GLT1D1: variants seen among roughly 807,000 people sequenced by gnomAD.
The protein encoded by GLT1D1 is glycosyltransferase 1 domain-containing protein 1.
A neutral mutation model predicts 28.7 loss-of-function variants in GLT1D1; 21 were observed. The observed-to-expected ratio is 0.73, with a 90% CI of 0.52 to 1.05. The LOEUF (loss-of-function observed/expected upper bound fraction) is 1.05. Among genes scored for constraint, GLT1D1 ranks in the 50% least tolerant of loss-of-function variants. The pLI, the probability that GLT1D1 is intolerant of heterozygous loss-of-function variation, is 0.00. For missense variants in GLT1D1, 343 were observed against 330.6 expected (o/e 1.04, Z -0.29); for synonymous variants, 147 against 124.8 (o/e 1.18, Z -1.19).
intron 4 of GLT1D1, among the ~76,000 whole-genome samples, chr12:128,927,999 C>CAAA (rs938188484): frequency 0.098 from 4,120 of 42,056 alleles, 973 homozygotes; most frequent in Non-Finnish European, 0.12. Flanking sequence ...GACTCTGTCT[C>CAAA]AAAAAAAAAA....
At chr12:128,907,927 G>A (rs569678747) in intron 4 of GLT1D1, among the ~76,000 whole-genome samples, 2 of 152,248 alleles carry the variant, frequency 1.3e-5, no homozygotes, top group South Asian at 2.1e-4. Context: ...ATCATTCTGA[G>A]TTGTTTACTC....
chr12:128,883,473 C>A (rs1400062417), intron 2 of GLT1D1, among the ~76,000 whole-genome samples: 1 of 151,248 alleles, frequency 6.6e-6, no homozygotes, highest in Admixed American at 6.6e-5. Context: ...GCCTGTAATC[C>A]CAGCTACTCG....
At position 128,935,831 on chromosome 12, in the gene GLT1D1, A is replaced by T. The variant is rs183629326; in HGVS notation, c.376-9495A>T. Among the ~76,000 whole-genome samples the T allele has an allele frequency of 8.1e-3, 1,234 of 152,248 alleles. 22 individuals carry two copies. The highest frequency in any genetic ancestry group is 0.028 in the African/African-American group (1,179 of 41,558). On this transcript the variant is annotated intron_variant, in intron 4 of 7. Transcript: ENST00000281703. ...TGGTAATTCTTAGCAAGAACTTTTT[A>T]AAAAGATGGGTTGTAGTCCCGTACG...
intron 4 of GLT1D1, chr12:128,944,468 C>G (rs1353738102): frequency 1.5e-6 from 2 of 1,324,688 alleles, no homozygotes; most frequent in Admixed American, 1.7e-5. Context: ...TTATCATCCT[C>G]ACGCTGAATG....
At chr12:128,876,948 G>A (rs1956883483) in intron 2 of GLT1D1, among the ~76,000 whole-genome samples, 1 of 152,202 alleles carries the variant, frequency 6.6e-6, no homozygotes, top group South Asian at 2.1e-4. Flanking sequence ...ACTTCACAGA[G>A]TATGAGCTTT....
intron 7 of GLT1D1, among the ~76,000 whole-genome samples, chr12:128,964,064 G>C (rs1192068851): frequency 6.6e-6 from 1 of 152,194 alleles, no homozygotes; most frequent in Non-Finnish European, 1.5e-5. Flanking sequence ...TGGTGGAAGG[G>C]CCGAGACAGC....
At chr12:128,976,336 G>A (rs1374583360) in intron 7 of GLT1D1, among the ~76,000 whole-genome samples, 2 of 152,194 alleles carry the variant, frequency 1.3e-5, no homozygotes, top group African/African-American at 4.8e-5. Context: ...GTATCTCGGG[G>A]ACTGAGGGCG....
At chr12:128,942,756 G>GTTTTTTTTTTTTTTGTTT (rs61514615) in intron 4 of GLT1D1, among the ~76,000 whole-genome samples, 1 of 124,930 alleles carries the variant, frequency 8.0e-6, no homozygotes, top group African/African-American at 3.4e-5. Context: ...TTTGTTTTTT[G>GTTTTTTTTTTTTTTGTTT]TTTTTTTTTT....
chr12:128,873,036 G>A (rs10082780), intron 1 of GLT1D1, among the ~76,000 whole-genome samples: 4,141 of 152,010 alleles, frequency 0.027, 179 homozygotes, highest in African/African-American at 0.093. Flanking sequence ...CTGGGATGAC[G>A]GGTGCATGTC....
At chr12:128,923,854 G>C (rs931636178) in intron 4 of GLT1D1, among the ~76,000 whole-genome samples, 1 of 151,946 alleles carries the variant, frequency 6.6e-6, no homozygotes, top group African/African-American at 2.4e-5. Flanking sequence ...ATTCACTATA[G>C]GAATTTGGAC....
intron 5 of GLT1D1, among the ~76,000 whole-genome samples, chr12:128,945,935 G>A (rs774526787): frequency 6.6e-6 from 1 of 152,178 alleles, no homozygotes; most frequent in Non-Finnish European, 1.5e-5. Flanking sequence ...TGGGGTGATG[G>A]GAATGAGCAG....
chr12:128,956,883 A>G (rs1565911702), intron 6 of GLT1D1, among the ~76,000 whole-genome samples: 1 of 152,104 alleles, frequency 6.6e-6, no homozygotes, highest in Non-Finnish European at 1.5e-5. Context: ...TTTCCTTTCA[A>G]CCTGACATCA....
intron 1 of GLT1D1, among the ~76,000 whole-genome samples, chr12:128,874,086 TTCTTTCTTTCTTTCTC>T (rs1369274009): frequency 4.5e-4 from 8 of 17,880 alleles, no homozygotes; most frequent in East Asian, 4.3e-3. Flanking sequence ...CTTTCTTTCT[TTCTTTCTTTCTTTCTC>T]TCTCTCTCTC....
intron 4 of GLT1D1, among the ~76,000 whole-genome samples, chr12:128,905,553 C>T (rs1229519482): frequency 6.6e-6 from 1 of 152,208 alleles, no homozygotes. Context: ...TCTGGCTGAC[C>T]TTCACAAGTT....
intron 1 of GLT1D1, among the ~76,000 whole-genome samples, chr12:128,874,549 C>T (rs1258737078): frequency 2.8e-5 from 4 of 144,720 alleles, no homozygotes; most frequent in Admixed American, 7.3e-5. Context: ...GTGGCACAGT[C>T]GTAGCTCACT....
At chr12:128,931,309 A>ATTT (rs564088151) in intron 4 of GLT1D1, among the ~76,000 whole-genome samples, 10 of 108,840 alleles carry the variant, frequency 9.2e-5, no homozygotes, top group African/African-American at 3.4e-4. Context: ...CCACTTTTTA[A>ATTT]TTTTTTTTTT....
intron 1 of GLT1D1, among the ~76,000 whole-genome samples, chr12:128,862,532 A>G (rs1347546209): frequency 6.6e-6 from 1 of 151,844 alleles, no homozygotes. Flanking sequence ...GGTCCCAGCT[A>G]CTCAGAAGGC....
chr12:128,900,483 C>T (rs576420675), intron 4 of GLT1D1, among the ~76,000 whole-genome samples: 15 of 152,328 alleles, frequency 9.8e-5, no homozygotes, highest in South Asian at 2.1e-4. Context: ...AAGTTGCACA[C>T]GCCCTGACGG....
chr12:128,918,278 G>A (rs561415741), intron 4 of GLT1D1, among the ~76,000 whole-genome samples: 23 of 152,268 alleles, frequency 1.5e-4, no homozygotes, highest in Non-Finnish European at 2.9e-4. Context: ...GTGGACACAG[G>A]GAGGGGAATA....
Sources: gnomAD v4.1 joint callset for allele counts (sites outside exome capture counted in the v4.1 genomes callset) on GRCh38, gnomAD v4.1.1 for gene constraint, MANE v1.5 for transcripts, NCBI Gene and HGNC (gene_info 2026-07-23, HGNC 2026-07-21) for gene names.